MACROD2: variants seen among roughly 807,000 people sequenced by gnomAD.
The protein encoded by MACROD2 is ADP-ribose glycohydrolase MACROD2.
Under a neutral mutation model 70.4 loss-of-function variants are expected in MACROD2, and 36 were observed. The observed-to-expected ratio is 0.51, with a 90% CI of 0.39 to 0.68. The LOEUF (loss-of-function observed/expected upper bound fraction) is 0.68. Among genes scored for constraint, MACROD2 ranks in the 30% least tolerant of loss-of-function variants. The pLI is 0.00. For synonymous variants in MACROD2, 172 were observed against 178.8 expected (o/e 0.96, Z 0.30); for missense variants, 496 against 538.4 (o/e 0.92, Z 0.78).
At chr20:15,113,186 A>T (rs771233801) in intron 5 of MACROD2, among the ~76,000 whole-genome samples, 1 of 151,354 alleles carries the variant, frequency 6.6e-6, no homozygotes, top group African/African-American at 2.4e-5. Context: ...TTTTTGAGGA[A>T]ATGCAATACA....
At chr20:15,403,696 A>T (rs2045961062) in intron 6 of MACROD2, among the ~76,000 whole-genome samples, 1 of 152,100 alleles carries the variant, frequency 6.6e-6, no homozygotes, top group Non-Finnish European at 1.5e-5. Context: ...GTCTCTTAAT[A>T]TGAGCAGTTG....
chr20:14,697,233 G>T (rs555825833), intron 5 of MACROD2, among the ~76,000 whole-genome samples: 29 of 152,222 alleles, frequency 1.9e-4, no homozygotes, highest in Admixed American at 2.6e-4. Flanking sequence ...CCTACCTATT[G>T]TTTTAAAATT....
intron 6 of MACROD2, among the ~76,000 whole-genome samples, chr20:15,354,270 C>T (rs2078261166): frequency 1.3e-5 from 2 of 151,970 alleles, no homozygotes; most frequent in East Asian, 3.9e-4. Context: ...AAACACCACA[C>T]GTTCTCACTC....
chr20:15,744,482 C>T (rs918325770), intron 8 of MACROD2, among the ~76,000 whole-genome samples: 2 of 152,102 alleles, frequency 1.3e-5, no homozygotes, highest in African/African-American at 4.8e-5. Flanking sequence ...GCTGTACTTG[C>T]AGTTACCAAA....
intron 5 of MACROD2, among the ~76,000 whole-genome samples, chr20:14,982,621 C>T (rs2074811277): frequency 6.6e-6 from 1 of 152,224 alleles, no homozygotes; most frequent in African/African-American, 2.4e-5. Context: ...TCAGAGGGTG[C>T]AAACCTCAAG....
chr20:14,331,546 G>T (rs980899085), intron 3 of MACROD2, among the ~76,000 whole-genome samples: 3 of 152,030 alleles, frequency 2.0e-5, no homozygotes, highest in Non-Finnish European at 4.4e-5. Context: ...CATAAAACAG[G>T]TTTCTTAGGA....
At chr20:15,115,930 A>G (rs1054878519) in intron 5 of MACROD2, among the ~76,000 whole-genome samples, 2 of 152,156 alleles carry the variant, frequency 1.3e-5, no homozygotes, top group African/African-American at 2.4e-5. Flanking sequence ...AAAGACTTCT[A>G]TTTCCTGGCT....
At chr20:15,313,509 A>G (rs1040107195) in intron 6 of MACROD2, among the ~76,000 whole-genome samples, 1 of 143,768 alleles carries the variant, frequency 7.0e-6, no homozygotes, top group Non-Finnish European at 1.5e-5. Flanking sequence ...TCCGTCTCAA[A>G]AAAAAAAAAA....
intron 5 of MACROD2, among the ~76,000 whole-genome samples, chr20:14,699,000 G>A (rs2071160839): frequency 2.0e-5 from 3 of 151,880 alleles, no homozygotes; most frequent in Non-Finnish European, 2.9e-5. Context: ...TACCTACCAA[G>A]CAAGTTTTAG....
At chr20:15,637,361 T>C (rs1417075738) in intron 8 of MACROD2, among the ~76,000 whole-genome samples, 1 of 152,218 alleles carries the variant, frequency 6.6e-6, no homozygotes, top group Non-Finnish European at 1.5e-5. Context: ...TATGTGGTGA[T>C]TGACATCGGA....
intron 5 of MACROD2, among the ~76,000 whole-genome samples, chr20:15,035,685 T>A (rs1336245797): frequency 6.6e-6 from 1 of 152,160 alleles, no homozygotes; most frequent in Non-Finnish European, 1.5e-5. Context: ...GGCTGCTGTG[T>A]CAGACCTCAC....
chr20:15,090,240 G>T (rs1288995792), intron 5 of MACROD2, among the ~76,000 whole-genome samples: 1 of 151,932 alleles, frequency 6.6e-6, no homozygotes. Flanking sequence ...GGAATGAATT[G>T]TTCAATGGTA....
At chr20:14,847,484 T>A (rs2073155261) in intron 5 of MACROD2, among the ~76,000 whole-genome samples, 1 of 87,422 alleles carries the variant, frequency 1.1e-5, no homozygotes, top group Admixed American at 1.3e-4. Context: ...AAGTGTTGCC[T>A]GTTTTTTTTT....
intron 6 of MACROD2, among the ~76,000 whole-genome samples, chr20:15,322,220 A>T (rs2077881108): frequency 6.9e-6 from 1 of 143,890 alleles, no homozygotes; most frequent in Non-Finnish European, 1.6e-5. Context: ...TACAAAAAAA[A>T]TGCCAGTGGA....
At chr20:15,423,109 A>T (rs959366976) in intron 6 of MACROD2, among the ~76,000 whole-genome samples, 1 of 152,192 alleles carries the variant, frequency 6.6e-6, no homozygotes, top group Non-Finnish European at 1.5e-5. Context: ...TAGTTATATC[A>T]TTGCCATTAC....
Position 15,885,789 on chromosome 20 carries a change from T to C in MACROD2, c.753T>C (p.Asp251=). 1 of 1,496,644 alleles carries C rather than the reference T, an allele frequency of 6.7e-7. No individual in the cohort carries two copies. The highest frequency in any genetic ancestry group is 8.9e-7 in the Non-Finnish European group (1 of 1,123,976). The allele number at this position is 1,496,644 out of a possible 1,614,324, so 92.7% of individuals were successfully genotyped here. A position where few individuals can be genotyped will look rare whatever the true frequency, so the allele number is the denominator to read the frequency against. The part of the protein sequence containing the change: ...SVDDNNEEEE[D]VEMKEDSDEN... ...ACGATAATAATGAAGAAGAAGAGGA[T>C]GTTGAAATGAAAGAAGATTCAGGTA... Residue 251 remains aspartate (D), a synonymous_variant, in exon 10 of 18, where the codon GAT becomes GAC. Coordinates refer to ENST00000684519, the MANE Select transcript of MACROD2 (RefSeq NM_001351661.2).
intron 3 of MACROD2, among the ~76,000 whole-genome samples, chr20:14,176,524 A>G (rs980296307): frequency 6.6e-6 from 1 of 152,168 alleles, no homozygotes; most frequent in Non-Finnish European, 1.5e-5. Flanking sequence ...GTAATATCAA[A>G]TTACAAACTC....
chr20:14,410,463 T>C (rs976823158), intron 3 of MACROD2, among the ~76,000 whole-genome samples: 10 of 152,140 alleles, frequency 6.6e-5, no homozygotes, highest in African/African-American at 2.4e-4. Context: ...CACTCATCAG[T>C]GACAACATGC....
intron 2 of MACROD2, among the ~76,000 whole-genome samples, chr20:14,016,248 C>A (rs190183629): frequency 6.6e-6 from 1 of 152,266 alleles, no homozygotes; most frequent in East Asian, 1.9e-4. Context: ...CTATTCAAAT[C>A]CTTTGTCCAT....
Sources: gnomAD v4.1 joint callset for allele counts (sites outside exome capture counted in the v4.1 genomes callset) on GRCh38, gnomAD v4.1.1 for gene constraint, MANE v1.5 for transcripts, NCBI Gene and HGNC (gene_info 2026-07-23, HGNC 2026-07-21) for gene names.